GALNT17: variants seen among roughly 807,000 people sequenced by gnomAD.
GALNT17 encodes UDP-GalNAc:polypeptide N-acetylgalactosaminyltransferase-like 3.
GALNT17 carries 29 observed loss-of-function variants against 63.7 expected under a neutral mutation model. That is an observed-to-expected ratio of 0.46 (90% CI 0.34 to 0.62). The LOEUF is 0.62. GALNT17 is among the 20% of genes least tolerant of loss of function. The pLI, the probability that GALNT17 is intolerant of heterozygous loss-of-function variation, is 0.01. For missense variants in GALNT17, 603 were observed against 799.6 expected (o/e 0.75, Z 2.97); for synonymous variants, 305 against 318.3 (o/e 0.96, Z 0.45).
chr7:71,259,641 T>TTTTG (rs1366590247), intron 1 of GALNT17, among the ~76,000 whole-genome samples: 20 of 146,652 alleles, frequency 1.4e-4, no homozygotes, highest in South Asian at 1.1e-3. Context: ...GTTTTTTGTT[T>TTTTG]TTTTGTTTTT....
At chr7:71,347,357 G>A (rs1792114331) in intron 2 of GALNT17, among the ~76,000 whole-genome samples, 1 of 152,130 alleles carries the variant, frequency 6.6e-6, no homozygotes, top group Non-Finnish European at 1.5e-5. Context: ...GTAAAATGGT[G>A]ATGTAATCAT....
At chr7:71,343,155 G>T (rs1387623106) in intron 2 of GALNT17, among the ~76,000 whole-genome samples, 1 of 152,174 alleles carries the variant, frequency 6.6e-6, no homozygotes, top group Non-Finnish European at 1.5e-5. Flanking sequence ...GAGTTGTAAG[G>T]CTCTTGCCTG....
chr7:71,636,195 A>G (rs1238508592), intron 6 of GALNT17, among the ~76,000 whole-genome samples: 2 of 152,178 alleles, frequency 1.3e-5, no homozygotes, highest in Non-Finnish European at 2.9e-5. Flanking sequence ...TCTTTCTTCT[A>G]GCTATTTTGA....
chr7:71,442,696 C>A (rs1360225661), intron 5 of GALNT17, among the ~76,000 whole-genome samples: 2 of 152,132 alleles, frequency 1.3e-5, no homozygotes, highest in Admixed American at 6.6e-5. Context: ...GTCATTAAGT[C>A]ATTCTGGTAG....
intron 1 of GALNT17, among the ~76,000 whole-genome samples, chr7:71,319,463 C>G (rs900788021): frequency 2.6e-5 from 4 of 152,040 alleles, no homozygotes; most frequent in Admixed American, 2.6e-4. Flanking sequence ...GTATTCAAAC[C>G]CCTTTCTCTT....
intron 2 of GALNT17, among the ~76,000 whole-genome samples, chr7:71,366,510 A>G (rs755019822): frequency 3.4e-4 from 51 of 152,172 alleles, no homozygotes; most frequent in Admixed American, 7.2e-4. Flanking sequence ...GAACCTGGGA[A>G]GCGGAGGTTG....
At chr7:71,216,504 G>A (rs185904403) in intron 1 of GALNT17, among the ~76,000 whole-genome samples, 42 of 151,760 alleles carry the variant, frequency 2.8e-4, no homozygotes, top group African/African-American at 9.9e-4. Flanking sequence ...CCTCCTAGGG[G>A]GTAATGTGCG....
At chr7:71,178,325 GT>G (rs1562889055) in intron 1 of GALNT17, among the ~76,000 whole-genome samples, 1 of 152,130 alleles carries the variant, frequency 6.6e-6, no homozygotes, top group South Asian at 2.1e-4. Flanking sequence ...TTTTCTGGCT[GT>G]TTTCAAGATT....
intron 1 of GALNT17, among the ~76,000 whole-genome samples, chr7:71,187,621 C>G (rs1788875728): frequency 6.6e-6 from 1 of 152,142 alleles, no homozygotes; most frequent in Admixed American, 6.5e-5. Context: ...TCAGAGTACA[C>G]TTTGTGCTTC....
At chr7:71,623,997 G>C (rs1790334770) in intron 6 of GALNT17, among the ~76,000 whole-genome samples, 1 of 152,152 alleles carries the variant, frequency 6.6e-6, no homozygotes, top group Non-Finnish European at 1.5e-5. Flanking sequence ...CCCCCAGGAA[G>C]TCAAGGAAGC....
chr7:71,207,052 G>T (rs1010091576), intron 1 of GALNT17, among the ~76,000 whole-genome samples: 1 of 151,970 alleles, frequency 6.6e-6, no homozygotes, highest in African/African-American at 2.4e-5. Flanking sequence ...CTTGCAGTGA[G>T]CCAAGATCGT....
intron 5 of GALNT17, among the ~76,000 whole-genome samples, chr7:71,472,136 A>G (rs985398955): frequency 2.0e-5 from 3 of 151,966 alleles, no homozygotes; most frequent in African/African-American, 7.2e-5. Context: ...CTGTATCATC[A>G]CATAGTGGAA....
chr7:71,463,753 A>G (rs1787490483), intron 5 of GALNT17, among the ~76,000 whole-genome samples: 1 of 152,190 alleles, frequency 6.6e-6, no homozygotes, highest in Non-Finnish European at 1.5e-5. Flanking sequence ...TGGCATTTGT[A>G]AACTGTCATG....
intron 6 of GALNT17, among the ~76,000 whole-genome samples, chr7:71,575,862 A>G (rs1212944983): frequency 6.6e-6 from 1 of 152,338 alleles, no homozygotes; most frequent in African/African-American, 2.4e-5. Context: ...TCTTGCCTGC[A>G]TGAAAGGCAA....
intron 3 of GALNT17, among the ~76,000 whole-genome samples, chr7:71,402,840 C>T (rs1015558317): frequency 2.0e-5 from 3 of 152,110 alleles, no homozygotes; most frequent in Admixed American, 6.6e-5. Flanking sequence ...CTTCCTGTGT[C>T]GCTGAGGCTC....
At chr7:71,259,661 A>T (rs1225156269) in intron 1 of GALNT17, among the ~76,000 whole-genome samples, 10 of 82,274 alleles carry the variant, frequency 1.2e-4, no homozygotes, top group African/African-American at 4.9e-4. Flanking sequence ...TTTTTTTTTG[A>T]GACGGAGTCT....
chr7:71,694,359 A>ATTTTTTT (rs34576267), intron 9 of GALNT17, among the ~76,000 whole-genome samples: 1 of 138,692 alleles, frequency 7.2e-6, no homozygotes, highest in Non-Finnish European at 1.5e-5. Context: ...AATTATCCCA[A>ATTTTTTT]TTTTTTTTTT....
intron 5 of GALNT17, among the ~76,000 whole-genome samples, chr7:71,493,726 G>C (rs987129807): frequency 6.6e-6 from 1 of 152,152 alleles, no homozygotes; most frequent in Non-Finnish European, 1.5e-5. Context: ...GGGTAGAAAT[G>C]CAGCCAGACC....
At chr7:71,289,875 G>A (rs1190123433) in intron 1 of GALNT17, among the ~76,000 whole-genome samples, 8 of 140,758 alleles carry the variant, frequency 5.7e-5, no homozygotes, top group African/African-American at 1.8e-4. Flanking sequence ...GCAAAACCCC[G>A]TCTCAAAAGA....
Sources: allele counts gnomAD v4.1 joint callset (sites outside exome capture counted in the v4.1 genomes callset), GRCh38; gene constraint gnomAD v4.1.1; transcripts MANE v1.5; gene names NCBI Gene and HGNC (gene_info 2026-07-23, HGNC 2026-07-21).